MYSM1: variants seen among roughly 807,000 people sequenced by gnomAD.
MYSM1 encodes deubiquitinase MYSM1.
MYSM1 carries 51 observed loss-of-function variants against 116.0 expected under a neutral mutation model. The observed-to-expected ratio is 0.44, with a 90% CI of 0.35 to 0.56. The LOEUF (loss-of-function observed/expected upper bound fraction) is 0.56, where lower values mean the gene tolerates loss of function less well. Ranked by LOEUF, MYSM1 falls within the 20% of genes least tolerant of loss-of-function variation. The pLI is 0.00. For missense variants in MYSM1, 900 were observed against 974.9 expected (o/e 0.92, Z 1.02); for synonymous variants, 313 against 315.2 (o/e 0.99, Z 0.07).
At chr1:58,693,066 T>C in intron 2 of MYSM1, 135 bp from the exon 3 acceptor site, 1 of 656,524 alleles carries the variant, frequency 1.5e-6, no homozygotes, top group Non-Finnish European at 2.5e-6. Flanking sequence ...GACATATTTT[T>C]GATTACCACA....
chr1:58,662,383 C>G (rs369867916), intron 17 of MYSM1, among the ~76,000 whole-genome samples: 1 of 151,992 alleles, frequency 6.6e-6, no homozygotes, highest in East Asian at 1.9e-4. Context: ...CATAGTAACA[C>G]TTATAATGCA....
intron 5 of MYSM1, 132 bp from the exon 6 acceptor site, chr1:58,689,248 A>C: frequency 6.0e-6 from 4 of 667,306 alleles, no homozygotes; most frequent in Admixed American, 3.5e-5. Flanking sequence ...TAAACAAACA[A>C]ACAAAACAAG....
chr1:58,680,995 T>C (rs1194891798), intron 8 of MYSM1, among the ~76,000 whole-genome samples: 1 of 151,832 alleles, frequency 6.6e-6, no homozygotes, highest in Non-Finnish European at 1.5e-5. Flanking sequence ...CTAATATATA[T>C]ATATAGTTAT....
intron 6 of MYSM1, among the ~76,000 whole-genome samples, chr1:58,688,834 ATT>A (rs1644864737): frequency 6.6e-6 from 1 of 152,186 alleles, no homozygotes; most frequent in Non-Finnish European, 1.5e-5. Context: ...CTATTTTAGT[ATT>A]TTAGTACCTT....
In MYSM1 at chr1:58,682,134, C is replaced by T; in HGVS notation, c.910G>A (p.Gly304Ser). The T allele has an allele frequency of 6.2e-7, 1 of 1,613,604 alleles. No homozygotes were observed. The highest frequency in any genetic ancestry group is 8.5e-7 in the Non-Finnish European group (1 of 1,179,774). ...TTTAATTCAATTGATTTTTTGTCAC[C>T]ATTGCTCTGTTTCTCAGTCCACAGT... Reference protein sequence around the residue: ...ITLWTEKQSNGDKKSIELNDQ... With the variant: ...ITLWTEKQSNSDKKSIELNDQ... Residue 304 changes from glycine to serine, a missense_variant, in exon 8 of 20, where the codon GGT becomes AGT. Transcript: ENST00000472487.
At chr1:58,676,405 GAA>G (rs66986748) in intron 9 of MYSM1, among the ~76,000 whole-genome samples, 1,006 of 91,320 alleles carry the variant, frequency 0.011, 9 homozygotes, top group African/African-American at 0.038. Context: ...AACAGAGCGA[GAA>G]AAAAAAAAAA....
rs766815863 is a variant in MYSM1, at chr1:58,700,045, G to A, written c.8C>T (p.Ala3Val). The change falls in exon 1 of 20, where the codon GCT becomes GTT. Residue 3 changes from alanine (A) to valine (V), a missense_variant. Ala to Val is a moderately conservative substitution (Grantham distance 64). Coordinates refer to ENST00000472487, the MANE Select transcript of MYSM1 (RefSeq NM_001085487.3). Reference protein sequence around the residue: MAAEEADVDIEGD... With the variant: MAVEEADVDIEGD... ...TTCGATATCCACATCCGCCTCTTCA[G>A]CCGCCATGATGGGACCTGACCCCGT... 6.2e-7 allele frequency: 1 copy of A among 1,613,676 alleles called. No homozygotes were observed. Among genetic ancestry groups the A allele is most frequent in the Non-Finnish European group, 8.5e-7 (1 of 1,179,978 alleles).
intron 14 of MYSM1, 28 bp downstream of exon 14, chr1:58,668,604 C>T: frequency 1.9e-6 from 3 of 1,578,884 alleles, no homozygotes; most frequent in Non-Finnish European, 2.6e-6. Flanking sequence ...ATCAGAATAA[C>T]TAAGTAAACA....
intron 16 of MYSM1, 80 bp from the exon 17 acceptor site, chr1:58,665,711 C>T: frequency 1.0e-6 from 1 of 976,958 alleles, no homozygotes; most frequent in Admixed American, 2.4e-5. Flanking sequence ...ACATTTTAAA[C>T]ATCTAATGGG....
At chr1:58,697,691 G>T (rs1644996523) in intron 1 of MYSM1, among the ~76,000 whole-genome samples, 1 of 151,622 alleles carries the variant, frequency 6.6e-6, no homozygotes, top group Non-Finnish European at 1.5e-5. Flanking sequence ...CCAGGGTCAA[G>T]CAATTCTCCT....
Position 58,700,024 on chromosome 1 carries a change from A to C in MYSM1, c.29T>G (p.Ile10Ser). Residue 10 changes from isoleucine to serine, a missense_variant, in exon 1 of 20, where the codon ATC becomes AGC. By Grantham distance (142) the Ile-to-Ser change is moderately radical (BLOSUM62 -2). Around this residue, in one of 3 missense-constraint regions of MYSM1, gnomAD observed 622 missense variants for 623.7 expected, o/e 1.00. Coordinates refer to ENST00000472487, the MANE Select transcript of MYSM1 (RefSeq NM_001085487.3). ...CGCCGCCGCTACCACGTCCCCTTCG[A>C]TATCCACATCCGCCTCTTCAGCCGC... Reference protein sequence around the residue: MAAEEADVDIEGDVVAAAGA... With the variant: MAAEEADVDSEGDVVAAAGA... 1 of 1,613,576 alleles carries C rather than the reference A, an allele frequency of 6.2e-7. No homozygotes were observed. Among genetic ancestry groups the C allele is most frequent in the African/African-American group, 1.3e-5 (1 of 75,012 alleles).
intron 7 of MYSM1, among the ~76,000 whole-genome samples, chr1:58,683,264 T>C (rs192260037): frequency 5.9e-5 from 9 of 152,318 alleles, no homozygotes; most frequent in South Asian, 2.1e-4. Context: ...GTACAATATA[T>C]TGAAATATTT....
chr1:58,690,100 A>C (rs1644882320), intron 5 of MYSM1, 126 bp downstream of exon 5: 1 of 729,730 alleles, frequency 1.4e-6, no homozygotes, highest in African/African-American at 1.9e-5. Context: ...TATTAAAAAA[A>C]CTGTTTTTAT....
At chr1:58,683,400 C>A (rs1375399187) in intron 7 of MYSM1, among the ~76,000 whole-genome samples, 1 of 152,004 alleles carries the variant, frequency 6.6e-6, no homozygotes, top group African/African-American at 2.4e-5. Context: ...TAAGGGACAA[C>A]AGAAAACAAA....
In MYSM1 at chr1:58,688,880, A is replaced by G. The variant is rs368751912; in HGVS notation, c.399+158T>C. The stretch of plus-strand genomic sequence containing the variant: ...GTTAAAAGGAATTCTCTTGCACTAC[A>G]CTATAAACATCATTACTCTAACTAC... On this transcript the variant is annotated intron_variant, in intron 6 of 19. Coordinates refer to ENST00000472487, the MANE Select transcript of MYSM1 (RefSeq NM_001085487.3). Among the ~76,000 whole-genome samples, 78 of 152,300 alleles carry G rather than the reference A, an allele frequency of 5.1e-4. 2 individuals are homozygous for G. The South Asian group carries it at 0.015, about 29-fold the overall frequency.
intron 16 of MYSM1, among the ~76,000 whole-genome samples, 175 bp from the exon 17 acceptor site, chr1:58,665,806 A>T (rs1204665335): frequency 6.6e-6 from 1 of 152,198 alleles, no homozygotes; most frequent in Admixed American, 6.5e-5. Flanking sequence ...GCACTTTGGG[A>T]GACTGAGGCA....
intron 9 of MYSM1, among the ~76,000 whole-genome samples, chr1:58,676,590 T>C (rs1644657343): frequency 6.6e-6 from 1 of 152,160 alleles, no homozygotes; most frequent in African/African-American, 2.4e-5. Flanking sequence ...ATTTCTAGCA[T>C]GAATACAGTA....
chr1:58,679,117 T>G (rs980936769), intron 8 of MYSM1, among the ~76,000 whole-genome samples: 3 of 152,298 alleles, frequency 2.0e-5, no homozygotes, highest in Admixed American at 2.0e-4. Flanking sequence ...ATGAAAAGAA[T>G]CTTTATCTAT....
At position 58,700,022 on chromosome 1, in the gene MYSM1, C is replaced by G. The variant is rs1468921815; in HGVS notation, c.31G>C (p.Glu11Gln). 6.2e-7 allele frequency: 1 copy of G among 1,613,744 alleles called. No individual in the cohort carries two copies. Among genetic ancestry groups the G allele is most frequent in the Non-Finnish European group, 8.5e-7 (1 of 1,180,014 alleles). ...CCCGCCGCCGCTACCACGTCCCCTT[C>G]GATATCCACATCCGCCTCTTCAGCC... MAAEEADVDI[E>Q]GDVVAAAGAQ... Residue 11 changes from glutamate to glutamine, a missense_variant, in exon 1 of 20, where the codon GAA becomes CAA. Physicochemically the swap from Glu to Gln is conservative, Grantham distance 29 (BLOSUM62 2). This residue lies in a region of MYSM1 where 622 missense variants were observed against 623.7 expected (regional missense o/e 1.00). Coordinates refer to ENST00000472487, the MANE Select transcript of MYSM1 (RefSeq NM_001085487.3).
Sources: gnomAD v4.1 joint callset for allele counts (sites outside exome capture counted in the v4.1 genomes callset) on GRCh38, gnomAD v4.1.1 for gene constraint, gnomAD v4.1.1 regional missense constraint, MANE v1.5 for transcripts, NCBI Gene and HGNC (gene_info 2026-07-23, HGNC 2026-07-21) for gene names.